ADAM22: variants seen among roughly 807,000 people sequenced by gnomAD.
The protein encoded by ADAM22 is disintegrin and metalloproteinase domain-containing protein 22.
In ADAM22, 65 loss-of-function variants were observed where a neutral mutation model predicts 144.6. The ratio of observed to expected loss-of-function variants is 0.45; its 90% CI spans 0.37 to 0.55. ADAM22 has a LOEUF of 0.55. ADAM22 is among the 20% of genes least tolerant of loss of function. ADAM22 has a pLI of 0.00. For missense variants in ADAM22, 974 were observed against 1,184.9 expected, an observed-to-expected ratio of 0.82 and a Z score of 2.61; for synonymous variants, 391 against 412.6, an observed-to-expected ratio of 0.95 and a Z score of 0.63.
intron 3 of ADAM22, among the ~76,000 whole-genome samples, chr7:88,018,188 A>T (rs1375857014): frequency 6.6e-6 from 1 of 152,184 alleles, no homozygotes; most frequent in Non-Finnish European, 1.5e-5. Flanking sequence ...AACAATATTG[A>T]TATTAAGTGG....
intron 3 of ADAM22, among the ~76,000 whole-genome samples, chr7:88,010,745 TC>T: frequency 6.6e-6 from 1 of 152,032 alleles, no homozygotes; most frequent in Non-Finnish European, 1.5e-5. Flanking sequence ...GAAGAGCAGG[TC>T]CCCCAGAAAA....
chr7:87,963,265 A>T (rs1562866026), intron 2 of ADAM22, among the ~76,000 whole-genome samples: 1 of 152,184 alleles, frequency 6.6e-6, no homozygotes, highest in South Asian at 2.1e-4. Flanking sequence ...AGTTTCAGTC[A>T]TGAGTCTTTG....
chr7:88,159,072 GT>G (rs1432919643), intron 22 of ADAM22, among the ~76,000 whole-genome samples: 1 of 151,974 alleles, frequency 6.6e-6, no homozygotes, highest in East Asian at 1.9e-4. Context: ...CAAAGGGGAT[GT>G]TACGACTCAC....
At chr7:87,958,882 G>A (rs1381916422) in intron 2 of ADAM22, among the ~76,000 whole-genome samples, 3 of 151,672 alleles carry the variant, frequency 2.0e-5, no homozygotes, top group Non-Finnish European at 4.4e-5. Flanking sequence ...AAAATATTCT[G>A]GATTATTCTC....
intron 4 of ADAM22, among the ~76,000 whole-genome samples, chr7:88,082,793 A>G (rs1376454728): frequency 4.8e-4 from 73 of 152,272 alleles, no homozygotes; most frequent in Non-Finnish European, 9.4e-4. Context: ...ATGAGATACC[A>G]TCTCACACCA....
At chr7:88,035,232 G>A (rs530551688) in intron 3 of ADAM22, among the ~76,000 whole-genome samples, 4 of 152,302 alleles carry the variant, frequency 2.6e-5, no homozygotes, top group Admixed American at 2.6e-4. Flanking sequence ...TATACTCTAG[G>A]CAGCAAACAC....
At position 88,030,984 on chromosome 7, in the gene ADAM22, C is replaced by T. The variant is rs1015125305; in HGVS notation, c.324-44642C>T. 1.6e-4 allele frequency among the ~76,000 whole-genome samples: 24 copies of T among 152,154 alleles called. 1 individual carries two copies. Among genetic ancestry groups the T allele is most frequent in the Middle Eastern group, 6.8e-3 (2 of 294 alleles). ...ACAAAAAATTAGCCGGGCGTGGTGG[C>T]GGGCACCTGTAGTCCCAGCTACTCA... is the stretch of plus-strand genomic sequence containing the variant. On this transcript the variant is annotated intron_variant, in intron 3 of 31. Coordinates refer to ENST00000413139, the MANE Select transcript of ADAM22 (RefSeq NM_001324418.2).
intron 3 of ADAM22, among the ~76,000 whole-genome samples, chr7:88,045,462 A>G (rs1157409282): frequency 6.6e-6 from 1 of 152,030 alleles, no homozygotes; most frequent in East Asian, 1.9e-4. Flanking sequence ...GGTATGCATG[A>G]TGTTTTGATG....
Position 88,200,926 on chromosome 7 carries a change from T to C in ADAM22, c.*4435T>C, listed in dbSNP as rs1471171398. Reference sequence around the variant, plus strand: ...CCAGTCTGCTCTTGTGAAAATTGGCTGAGCGGCAGCAGCCCATCCCAGCTG... The same window carrying C: ...CCAGTCTGCTCTTGTGAAAATTGGCCGAGCGGCAGCAGCCCATCCCAGCTG... On this transcript the variant is annotated 3_prime_UTR_variant, in exon 32 of 32. Coordinates refer to ENST00000413139, the MANE Select transcript of ADAM22 (RefSeq NM_001324418.2). 6.6e-6 allele frequency: 1 copy of C among 152,276 alleles called. No homozygotes were observed. The highest frequency in any genetic ancestry group is 6.5e-5 in the Admixed American group (1 of 15,286). The allele number at this position is 152,276 out of a possible 1,614,324, so 9.4% of individuals were successfully genotyped here. A position where few individuals can be genotyped will look rare whatever the true frequency, so the allele number is the denominator to read the frequency against.
intron 3 of ADAM22, among the ~76,000 whole-genome samples, chr7:88,068,586 G>T (rs777301682): frequency 2.3e-4 from 35 of 152,150 alleles, no homozygotes; most frequent in Admixed American, 3.9e-4. Context: ...GAACAAGAAG[G>T]CATAGCTTGT....
chr7:87,942,776 A>C (rs1307852037), intron 2 of ADAM22, among the ~76,000 whole-genome samples: 4 of 152,200 alleles, frequency 2.6e-5, no homozygotes, highest in African/African-American at 9.6e-5. Flanking sequence ...ATCGTAAGTC[A>C]CATATTAGTA....
rs143682990 is a variant in ADAM22 at position 88,000,040 on chromosome 7, G to A, written c.323+21628G>A. On this transcript the variant is annotated intron_variant, in intron 3 of 31. Coordinates refer to ENST00000413139, the MANE Select transcript of ADAM22 (RefSeq NM_001324418.2). ...TAAAATTCCATCTCTCAAAATGACAGAGTTTACCAATATGACATTCATTAT... is the reference window on the plus strand; with the variant it reads ...TAAAATTCCATCTCTCAAAATGACAAAGTTTACCAATATGACATTCATTAT... Among the ~76,000 whole-genome samples, 722 of 151,598 alleles carry A rather than the reference G, an allele frequency of 4.8e-3. 11 individuals are homozygous for A. The highest frequency in any genetic ancestry group is 0.017 in the African/African-American group (683 of 41,344).
At chr7:88,094,868 A>G (rs886482140) in intron 4 of ADAM22, among the ~76,000 whole-genome samples, 1 of 152,252 alleles carries the variant, frequency 6.6e-6, no homozygotes, top group African/African-American at 2.4e-5. Context: ...GTTTGAGGAC[A>G]GTAAAGCTTA....
At chr7:87,974,210 A>G (rs1851300784) in intron 2 of ADAM22, among the ~76,000 whole-genome samples, 1 of 151,058 alleles carries the variant, frequency 6.6e-6, no homozygotes, top group African/African-American at 2.4e-5. Context: ...AGGCTGAGGC[A>G]GGAGAATGGT....
chr7:88,093,730 G>T (rs1280390949), intron 4 of ADAM22, among the ~76,000 whole-genome samples: 1 of 151,974 alleles, frequency 6.6e-6, no homozygotes, highest in African/African-American at 2.4e-5. Context: ...TATTTTTAGT[G>T]GAGATGGGGT....
intron 3 of ADAM22, among the ~76,000 whole-genome samples, chr7:88,021,681 A>G (rs143467631): frequency 4.6e-5 from 7 of 152,344 alleles, no homozygotes; most frequent in East Asian, 1.9e-4. Context: ...CCCACTGATC[A>G]TGAATGGATG....
rs79866334 is a variant in ADAM22, at chr7:88,201,929, T to C, written c.*5438T>C. 6.6e-6 allele frequency: 1 copy of C among 152,232 alleles called. No homozygotes were observed. Among genetic ancestry groups the C allele is most frequent in the Non-Finnish European group, 1.5e-5 (1 of 68,036 alleles). 9.4% of individuals were successfully genotyped at this position (152,232 alleles called of 1,614,324 possible). ...CCTTAGGGCTTAGCCTCTTATTTTATGAATTTTCAGGCTGTGATTTGTGTT... is the reference window on the plus strand; with the variant it reads ...CCTTAGGGCTTAGCCTCTTATTTTACGAATTTTCAGGCTGTGATTTGTGTT... On this transcript the variant is annotated 3_prime_UTR_variant, in exon 32 of 32. Transcript: ENST00000413139.
rs756071880 is a variant in ADAM22, at chr7:88,131,358, A to G, written c.915A>G (p.Pro305=). The G allele has an allele frequency of 4.3e-6, 7 of 1,613,762 alleles. No homozygotes were observed. In the East Asian group the frequency reaches 8.9e-5, roughly 21 times the overall value. ...TDNKFAISEN[P]LITLREFMKY... ...ACAAGTTTGCCATATCTGAAAATCC[A>G]TTGATCACCCTACGTGAGTTTATGA... The change falls in exon 11 of 32, where the codon CCA becomes CCG. Residue 305 remains proline, a synonymous_variant. Coordinates refer to ENST00000413139, the MANE Select transcript of ADAM22 (RefSeq NM_001324418.2).
chr7:87,993,220 C>T (rs1308759941), intron 3 of ADAM22, among the ~76,000 whole-genome samples: 1 of 152,168 alleles, frequency 6.6e-6, no homozygotes, highest in Non-Finnish European at 1.5e-5. Context: ...GAAAAGAGAA[C>T]CCTCTAACTA....
Sources: allele counts gnomAD v4.1 joint callset (sites outside exome capture counted in the v4.1 genomes callset), GRCh38; gene constraint gnomAD v4.1.1; transcripts MANE v1.5; gene names NCBI Gene and HGNC (gene_info 2026-07-23, HGNC 2026-07-21).